The following TTLL8 variants were observed in gnomAD, a reference collection of about 807,000 sequenced individuals.
TTLL8 encodes the protein protein monoglycylase TTLL8.
A neutral mutation model predicts 77.8 loss-of-function variants in TTLL8; 65 were observed. The ratio of observed to expected loss-of-function variants is 0.84; its 90% CI spans 0.68 to 1.03. The LOEUF (loss-of-function observed/expected upper bound fraction) is 1.03. Ranked by LOEUF, TTLL8 falls within the 50% of genes least tolerant of loss-of-function variation. TTLL8 has a pLI of 0.00. For missense variants in TTLL8, 910 were observed against 1,004.5 expected, an observed-to-expected ratio of 0.91 and a Z score of 1.27; for synonymous variants, 402 against 422.8, an observed-to-expected ratio of 0.95 and a Z score of 0.60.
At chr22:50,019,747 C>T (rs1181307910) in intron 12 of TTLL8, among the ~76,000 whole-genome samples, 4 of 152,172 alleles carry the variant, frequency 2.6e-5, no homozygotes, top group African/African-American at 9.7e-5. Context: ...ACTCCTGAGC[C>T]ACAGAAAATG....
rs2061212338 is a variant in TTLL8, at chr22:50,022,730, A to G, written c.2204-6168T>C. Among the ~76,000 whole-genome samples the G allele has an allele frequency of 2.6e-5, 4 of 152,372 alleles. No individual in the cohort carries two copies. In the South Asian group the frequency reaches 8.3e-4, roughly 32 times the overall value. On this transcript the variant is annotated intron_variant, in intron 12 of 13. Coordinates refer to ENST00000266182, the Ensembl canonical transcript of TTLL8. ...TGCCCACTCTTAACTCTGCAGGTCC[A>G]TGTAGGTGTGGAGCAGCAAGAATAA...
chr22:50,056,784 T>C (rs1056128139), upstream of TTLL8: 1 of 1,288,504 alleles, frequency 7.8e-7, no homozygotes, highest in African/African-American at 1.5e-5. This position sits in a 1 kb window ranked among gnomAD's most constrained non-coding sequence, Gnocchi z 4.1. Context: ...CCTGATTTCC[T>C]GGCAGCAGGC....
At position 50,041,387 on chromosome 22, in the gene TTLL8, C is replaced by T. The variant is rs940262685; in HGVS notation, c.831-110G>A. The stretch of plus-strand genomic sequence containing the variant: ...GCACCCCAAGATCCAGACAGACACC[C>T]CAATACCCAACAAGTATCCCAGACA... On this transcript the variant is annotated intron_variant, in intron 7 of 13. Transcript: ENST00000266182. This position sits in a 1 kb window ranked among gnomAD's most constrained non-coding sequence, Gnocchi z 4.3. The T allele has an allele frequency of 3.4e-6, 3 of 871,074 alleles. No individual in the cohort carries two copies. The African/African-American group carries it at 5.3e-5, about 16-fold the overall frequency. The allele number at this position is 871,074 out of a possible 1,614,324, so 54.0% of individuals were successfully genotyped here.
chr22:50,020,965 A>AATG (rs2061193913), intron 12 of TTLL8, among the ~76,000 whole-genome samples: 2 of 116,962 alleles, frequency 1.7e-5, no homozygotes, highest in African/African-American at 6.7e-5. Context: ...TCCATCTGAC[A>AATG]TGCACTCCTC....
At chr22:50,049,717 A>T (rs1374001355) in intron 2 of TTLL8, among the ~76,000 whole-genome samples, 1 of 152,148 alleles carries the variant, frequency 6.6e-6, no homozygotes, top group African/African-American at 2.4e-5. Flanking sequence ...CAATGGGGCC[A>T]AGAGGATGCA....
At chr22:50,030,126 C>T (rs1450381287) in intron 12 of TTLL8, 6 of 972,166 alleles carry the variant, frequency 6.2e-6, no homozygotes, top group Non-Finnish European at 6.1e-6. Context: ...TCCTCCGACC[C>T]GCGCCACACC....
chr22:50,045,070 C>T (rs1031128730), intron 6 of TTLL8, 185 bp downstream of exon 8: 27 of 462,698 alleles, frequency 5.8e-5, no homozygotes, highest in African/African-American at 2.5e-4. Context: ...GTGACTTTGA[C>T]GTTTAGCCCC....
At position 50,041,340 on chromosome 22, in the gene TTLL8, TG is replaced by T; in HGVS notation, c.831-64del. 1 of 548,858 alleles carries T rather than the reference TG, an allele frequency of 1.8e-6. No homozygotes were observed. Among genetic ancestry groups the T allele is most frequent in the Non-Finnish European group, 3.4e-6 (1 of 297,800 alleles). The allele number at this position is 548,858 out of a possible 1,614,324, so 34.0% of individuals were successfully genotyped here. On this transcript the variant is annotated intron_variant, in intron 7 of 13. Transcript: ENST00000266182. The surrounding 1 kb of genome is among the most constrained non-coding windows in gnomAD (Gnocchi z 4.3). ...CTGGTGGGACAGGCAACAGAGGGCC[TG>T]GGCACCCCGACACCCATAAGGCACC...
intron 12 of TTLL8, among the ~76,000 whole-genome samples, chr22:50,023,688 T>A (rs2061216790): frequency 1.7e-5 from 1 of 59,588 alleles, no homozygotes; most frequent in Non-Finnish European, 3.9e-5. Flanking sequence ...CGTCTCAAAA[T>A]AAATAAATAA....
intron 12 of TTLL8, among the ~76,000 whole-genome samples, chr22:50,019,296 T>C (rs2061182003): frequency 6.6e-6 from 1 of 151,958 alleles, no homozygotes. Flanking sequence ...AAAAGGAACA[T>C]AGAATAGATG....
At chr22:50,030,407 G>C in intron 12 of TTLL8, 23 bp downstream of exon 13, 1 of 1,298,088 alleles carries the variant, frequency 7.7e-7, no homozygotes, top group Non-Finnish European at 1.0e-6. Context: ...AGCCCACAGC[G>C]CACCGCCGGC....
exon 12 of TTLL8, chr22:50,030,863 C>T (rs2061285263): frequency 4.5e-6 from 6 of 1,334,364 alleles, no homozygotes; most frequent in Non-Finnish European, 5.9e-6. Context: ...TCCTGGCTCT[C>T]CTCACACTGA....
intron 12 of TTLL8, among the ~76,000 whole-genome samples, chr22:50,022,877 A>T (rs983759736): frequency 1.3e-5 from 2 of 152,292 alleles, no homozygotes; most frequent in African/African-American, 4.8e-5. Context: ...TGAATTTACC[A>T]ACAAGTTGGG....
At position 50,041,430 on chromosome 22, in the gene TTLL8, A is replaced by G. The variant is rs529541748; in HGVS notation, c.831-153T>C. The stretch of plus-strand genomic sequence containing the variant: ...CCCAGACATCCAGACAGACACCACA[A>G]TACTCAACAAGCATCCCAGACATCC... On this transcript the variant is annotated intron_variant, in intron 7 of 13. Transcript: ENST00000266182. The surrounding 1 kb of genome is among the most constrained non-coding windows in gnomAD (Gnocchi z 4.3). 3.8e-5 allele frequency: 32 copies of G among 842,102 alleles called. No individual in the cohort carries two copies. The highest frequency in any genetic ancestry group is 4.6e-5 in the Non-Finnish European group (32 of 699,274). The allele number at this position is 842,102 out of a possible 1,614,324, so 52.2% of individuals were successfully genotyped here. A position where few individuals can be genotyped will look rare whatever the true frequency, so the allele number is the denominator to read the frequency against.
At chr22:50,048,918 A>G (rs964639727) in intron 3 of TTLL8, among the ~76,000 whole-genome samples, 1 of 152,196 alleles carries the variant, frequency 6.6e-6, no homozygotes, top group Non-Finnish European at 1.5e-5. Context: ...CCCATCCTGC[A>G]ACACACCAGC....
intron 8 of TTLL8, among the ~76,000 whole-genome samples, chr22:50,035,840 C>T (rs531653013): frequency 4.1e-4 from 62 of 152,346 alleles, no homozygotes; most frequent in African/African-American, 1.4e-3. Flanking sequence ...CCCTCACAGC[C>T]TCCCAGGACA....
At chr22:50,042,914 G>C (rs1320219008) in intron 6 of TTLL8, among the ~76,000 whole-genome samples, 1 of 152,170 alleles carries the variant, frequency 6.6e-6, no homozygotes, top group East Asian at 1.9e-4. Context: ...CAGCGACTTT[G>C]GAAGACAGTC....
upstream of TTLL8, among the ~76,000 whole-genome samples, chr22:50,054,828 C>T (rs535566151): frequency 3.4e-4 from 51 of 152,154 alleles, no homozygotes; most frequent in Non-Finnish European, 3.1e-4. Flanking sequence ...GAGGCCAAGG[C>T]GGGCAGATCA....
At chr22:50,035,603 T>G (rs999322847) in intron 8 of TTLL8, among the ~76,000 whole-genome samples, 1 of 152,158 alleles carries the variant, frequency 6.6e-6, no homozygotes, top group African/African-American at 2.4e-5. Context: ...ACTGCTCAAC[T>G]GTGATGAGAA....
Sources: allele counts gnomAD v4.1 joint callset (sites outside exome capture counted in the v4.1 genomes callset), GRCh38; gene constraint gnomAD v4.1.1; non-coding constraint Gnocchi (gnomAD v3.1); transcripts MANE v1.5; gene names NCBI Gene and HGNC (gene_info 2026-07-23, HGNC 2026-07-21).